Variants in PACS1 observed in about 807,000 individuals in gnomAD.
PACS1 encodes phosphofurin acidic cluster sorting protein 1.
A neutral mutation model predicts 115.0 loss-of-function variants in PACS1; 24 were observed. That is an observed-to-expected ratio of 0.21 (90% CI 0.15 to 0.29). PACS1 has a LOEUF of 0.29. PACS1 is among the 10% of genes least tolerant of loss of function. The pLI, the probability that PACS1 is intolerant of heterozygous loss-of-function variation, is 1.00. For synonymous variants in PACS1, 453 were observed against 504.5 expected (o/e 0.90, Z 1.37); for missense variants, 838 against 1,251.2 (o/e 0.67, Z 4.98).
At chr11:66,122,158 A>G (rs1250095977) in intron 1 of PACS1, among the ~76,000 whole-genome samples, 3 of 152,208 alleles carry the variant, frequency 2.0e-5, no homozygotes, top group African/African-American at 7.2e-5. Flanking sequence ...GAGCCCTTAA[A>G]AATTATGCTC....
At chr11:66,085,873 A>G (rs1857557051) in intron 1 of PACS1, among the ~76,000 whole-genome samples, 1 of 152,238 alleles carries the variant, frequency 6.6e-6, no homozygotes, top group Admixed American at 6.5e-5. Context: ...CACATTGGAA[A>G]CTGGAGCCAT....
At chr11:66,217,072 TC>T (rs1855230424) in intron 7 of PACS1, 1 of 405,096 alleles carries the variant, frequency 2.5e-6, no homozygotes, top group South Asian at 2.7e-5. Flanking sequence ...ACAGACCGCC[TC>T]CCACCCACTC....
chr11:66,152,832 C>T (rs1221616267), intron 1 of PACS1, among the ~76,000 whole-genome samples: 1 of 152,160 alleles, frequency 6.6e-6, no homozygotes, highest in Non-Finnish European at 1.5e-5. Flanking sequence ...GGCCAGAAGA[C>T]ACTGGAACAG....
At chr11:66,207,425 C>T (rs1291377656) in intron 2 of PACS1, among the ~76,000 whole-genome samples, 3 of 152,236 alleles carry the variant, frequency 2.0e-5, no homozygotes, top group Non-Finnish European at 4.4e-5. Context: ...CGAGATCACA[C>T]TACTGTACTC....
At chr11:66,138,881 C>T (rs1858910730) in intron 1 of PACS1, among the ~76,000 whole-genome samples, 1 of 152,032 alleles carries the variant, frequency 6.6e-6, no homozygotes, top group Admixed American at 6.6e-5. Context: ...CAGGGTTTCA[C>T]CATGTTGGCC....
chr11:66,228,454 C>A (rs185171847), intron 11 of PACS1, among the ~76,000 whole-genome samples: 27 of 152,328 alleles, frequency 1.8e-4, no homozygotes, highest in Non-Finnish European at 2.8e-4. Context: ...CCCTAACTTA[C>A]ATTTTCTAGT....
intron 5 of PACS1, 113 bp from the exon 6 acceptor site, chr11:66,216,407 C>T: frequency 1.4e-6 from 2 of 1,403,834 alleles, no homozygotes; most frequent in Non-Finnish European, 1.0e-6. Context: ...CTGGCCCTCC[C>T]CTCCACCCTG....
At chr11:66,199,053 C>T (rs925832935) in intron 2 of PACS1, among the ~76,000 whole-genome samples, 26 of 152,136 alleles carry the variant, frequency 1.7e-4, no homozygotes, top group African/African-American at 5.1e-4. Context: ...TGGTGGCTCA[C>T]GCCTATAATC....
At chr11:66,120,029 A>T (rs910553471) in intron 1 of PACS1, among the ~76,000 whole-genome samples, 1 of 152,130 alleles carries the variant, frequency 6.6e-6, no homozygotes, top group Admixed American at 6.5e-5. Context: ...TTGTTAGCTC[A>T]TCTGAAAATG....
Position 66,233,528 on chromosome 11 carries a change from CAG to C in PACS1, c.1839-256_1839-255del, listed in dbSNP as rs1183331774. 6.6e-6 allele frequency among the ~76,000 whole-genome samples: 1 copy of C among 152,246 alleles called. No individual in the cohort carries two copies. The highest frequency in any genetic ancestry group is 6.5e-5 in the Admixed American group (1 of 15,284). On this transcript the variant is annotated intron_variant, in intron 15 of 23. Coordinates refer to ENST00000320580, the MANE Select transcript of PACS1 (RefSeq NM_018026.4). This position sits in a 1 kb window ranked among gnomAD's most constrained non-coding sequence, Gnocchi z 4.5. ...GGGGGCACACACCCTGCGGGCATCC[CAG>C]GCACACTGCCGAGTCCTACGTTAGC...
chr11:66,090,204 G>A (rs1425117916), intron 1 of PACS1, among the ~76,000 whole-genome samples: 3 of 150,460 alleles, frequency 2.0e-5, no homozygotes, highest in African/African-American at 7.3e-5. Flanking sequence ...ACTTGGCTTG[G>A]CTTGGCTTGG....
At chr11:66,143,458 G>A (rs1038058741) in intron 1 of PACS1, among the ~76,000 whole-genome samples, 1 of 152,142 alleles carries the variant, frequency 6.6e-6, no homozygotes, top group Non-Finnish European at 1.5e-5. Flanking sequence ...GTTCTCCAGA[G>A]GCTGGGGCTG....
rs1234551534 is a variant in PACS1, at chr11:66,235,397, A to C, written c.2201A>C (p.His734Pro). Residue 734 changes from histidine to proline, a missense_variant, in exon 18 of 24, where the codon CAT becomes CCT. By Grantham distance (77) the His-to-Pro change is moderately conservative. Coordinates refer to ENST00000320580, the MANE Select transcript of PACS1 (RefSeq NM_018026.4). The surrounding 1 kb of genome is among the most constrained non-coding windows in gnomAD (Gnocchi z 5.6). ...PVAEAMLTCR[H>P]KFPDEDSYQK... ...GCCGAAGCCATGCTGACTTGCCGGC[A>C]TAAGTTGTAAGTTTGACTTTGAGGG... 6.2e-7 allele frequency: 1 copy of C among 1,612,562 alleles called. No homozygotes were observed. The highest frequency in any genetic ancestry group is 8.5e-7 in the Non-Finnish European group (1 of 1,178,576).
intron 4 of PACS1, among the ~76,000 whole-genome samples, chr11:66,213,668 T>G (rs528290673): frequency 6.6e-6 from 1 of 152,366 alleles, no homozygotes; most frequent in Admixed American, 6.5e-5. Context: ...ATCGATAATT[T>G]CAGTTCCAAC....
In PACS1 at chr11:66,243,265, C is replaced by T; in HGVS notation, c.2877C>T (p.Gly959=). The change falls in exon 24 of 24, where the codon GGC becomes GGT. Residue 959 remains glycine (G), a synonymous_variant. Coordinates refer to ENST00000320580, the MANE Select transcript of PACS1 (RefSeq NM_018026.4). The part of the protein sequence containing the change: ...VKHFPVGLFS[G]SKAT ...ACTTTCCAGTGGGACTCTTCAGTGG[C>T]AGCAAGGCCACCTGAGGCCCTGTCT... 1 of 1,597,884 alleles carries T rather than the reference C, an allele frequency of 6.3e-7. No homozygotes were observed. Among genetic ancestry groups the T allele is most frequent in the Non-Finnish European group, 8.5e-7 (1 of 1,171,680 alleles).
intron 1 of PACS1, among the ~76,000 whole-genome samples, chr11:66,091,768 A>G (rs1327778644): frequency 3.3e-5 from 5 of 150,716 alleles, no homozygotes; most frequent in Non-Finnish European, 5.9e-5. Flanking sequence ...GAGAATATGC[A>G]GTGTTTGGTT....
chr11:66,243,652 C>G lies in PACS1; in HGVS notation c.*372C>G, dbSNP rs554544846. ...TCTCGGAAATGAGAAAGCTGGAATC[C>G]TGGTCCCCAGCAGGAGAGCCTAGTC... is the stretch of plus-strand genomic sequence containing the variant. On this transcript the variant is annotated 3_prime_UTR_variant, in exon 24 of 24. Transcript: ENST00000320580. 2.9e-5 allele frequency: 6 copies of G among 207,232 alleles called. No individual in the cohort carries two copies. Among genetic ancestry groups the G allele is most frequent in the Non-Finnish European group, 6.0e-5 (6 of 100,796 alleles). The allele number at this position is 207,232 out of a possible 1,614,324, so 12.8% of individuals were successfully genotyped here. A position where few individuals can be genotyped will look rare whatever the true frequency, so the allele number is the denominator to read the frequency against.
At chr11:66,085,436 A>G (rs1590733311) in intron 1 of PACS1, among the ~76,000 whole-genome samples, 4 of 152,190 alleles carry the variant, frequency 2.6e-5, no homozygotes, top group South Asian at 2.1e-4. Flanking sequence ...TTGAACTCCT[A>G]TTTCCCTCTC....
At chr11:66,192,247 T>C (rs1212891485) in intron 1 of PACS1, among the ~76,000 whole-genome samples, 1 of 152,216 alleles carries the variant, frequency 6.6e-6, no homozygotes, top group Non-Finnish European at 1.5e-5. Flanking sequence ...TGGGCAGATG[T>C]TGGGGAGAGA....
Sources: gnomAD v4.1 joint callset for allele counts (sites outside exome capture counted in the v4.1 genomes callset) on GRCh38, gnomAD v4.1.1 for gene constraint, Gnocchi (gnomAD v3.1) non-coding constraint, MANE v1.5 for transcripts, NCBI Gene and HGNC (gene_info 2026-07-23, HGNC 2026-07-21) for gene names.